ADAM32: variants seen among roughly 807,000 people sequenced by gnomAD.
ADAM32 encodes disintegrin and metalloproteinase domain-containing protein 32.
Under a neutral mutation model 114.9 loss-of-function variants are expected in ADAM32, and 89 were observed. The ratio of observed to expected loss-of-function variants is 0.77; its 90% CI spans 0.65 to 0.92. The LOEUF is 0.92. Ranked by LOEUF, ADAM32 falls within the 40% of genes least tolerant of loss-of-function variation. The pLI, the probability that ADAM32 is intolerant of heterozygous loss-of-function variation, is 0.00. For synonymous variants in ADAM32, 285 were observed against 307.5 expected, an observed-to-expected ratio of 0.93 and a Z score of 0.77; for missense variants, 870 against 932.8, an observed-to-expected ratio of 0.93 and a Z score of 0.88.
chr8:39,140,276 G>A (rs1466239347), intron 3 of ADAM32, among the ~76,000 whole-genome samples: 6 of 150,916 alleles, frequency 4.0e-5, no homozygotes, highest in East Asian at 1.9e-4. Context: ...AATGCTTCCC[G>A]TTTTGGCTGT....
intron 10 of ADAM32, among the ~76,000 whole-genome samples, chr8:39,180,083 C>T (rs1480050083): frequency 6.6e-6 from 1 of 152,216 alleles, no homozygotes; most frequent in Non-Finnish European, 1.5e-5. Context: ...AAGGCCAGAG[C>T]TGGCTCCCTC....
At chr8:39,250,633 A>T (rs866587675) in intron 17 of ADAM32, among the ~76,000 whole-genome samples, 4 of 152,032 alleles carry the variant, frequency 2.6e-5, no homozygotes, top group Non-Finnish European at 4.4e-5. Flanking sequence ...TCAAATCAGT[A>T]TAATTAAGAT....
At chr8:39,277,942 G>A (rs1813189145) in intron 22 of ADAM32, among the ~76,000 whole-genome samples, 1 of 152,240 alleles carries the variant, frequency 6.6e-6, no homozygotes, top group African/African-American at 2.4e-5. Flanking sequence ...CGAAGGGACA[G>A]TGTGACAGCC....
At chr8:39,198,215 G>T (rs1807143737) in intron 11 of ADAM32, among the ~76,000 whole-genome samples, 1 of 151,604 alleles carries the variant, frequency 6.6e-6, no homozygotes, top group Admixed American at 6.6e-5. Flanking sequence ...TTTACAATGT[G>T]AGTTTTTATA....
At position 39,144,042 on chromosome 8, in the gene ADAM32, T is replaced by C. The variant is rs552381270; in HGVS notation, c.201-3088T>C. 3.5e-4 allele frequency among the ~76,000 whole-genome samples: 54 copies of C among 152,228 alleles called. 1 individual carries two copies. The South Asian group carries it at 0.01, about 29-fold the overall frequency. ...ACCTGCTGAGGCAGACACAGGAGGG[T>C]ATCTCCTGGTCTGCTGATTGCTAAG... On this transcript the variant is annotated intron_variant, in intron 3 of 24. Coordinates refer to ENST00000379907, the MANE Select transcript of ADAM32 (RefSeq NM_145004.7).
At chr8:39,240,375 AATG>A (rs1250168548) in intron 16 of ADAM32, among the ~76,000 whole-genome samples, 1 of 152,216 alleles carries the variant, frequency 6.6e-6, no homozygotes, top group Non-Finnish European at 1.5e-5. Context: ...CTTTGAACTG[AATG>A]ATAATAGTGA....
chr8:39,132,483 C>T (rs1385960638), intron 2 of ADAM32, among the ~76,000 whole-genome samples: 1 of 152,136 alleles, frequency 6.6e-6, no homozygotes, highest in African/African-American at 2.4e-5. Flanking sequence ...ATTATTACAT[C>T]CATATTTTTT....
chr8:39,168,358 A>T (rs890683852), intron 9 of ADAM32: 1 of 152,188 alleles, frequency 6.6e-6, no homozygotes, highest in Non-Finnish European at 1.5e-5. Context: ...TTCTTTGAAC[A>T]GTAGGCTCCA....
chr8:39,123,642 TATG>T (rs1801922517), intron 2 of ADAM32, among the ~76,000 whole-genome samples: 1 of 152,166 alleles, frequency 6.6e-6, no homozygotes, highest in Admixed American at 6.5e-5. Context: ...TATGAACATG[TATG>T]ATACTTTCAT....
chr8:39,213,778 G>C (rs4382439), intron 12 of ADAM32, among the ~76,000 whole-genome samples: 145,988 of 152,238 alleles, frequency 0.96, 70,334 homozygotes, highest in East Asian at 1. Flanking sequence ...TTCATTCTTT[G>C]AAACTAATTT....
chr8:39,199,015 A>C (rs1054335313), intron 11 of ADAM32, among the ~76,000 whole-genome samples: 1 of 152,150 alleles, frequency 6.6e-6, no homozygotes, highest in Non-Finnish European at 1.5e-5. Flanking sequence ...GTTTTCTTGC[A>C]GTACTTTGAA....
chr8:39,154,044 A>ATATATATG (rs1195797266), intron 6 of ADAM32, among the ~76,000 whole-genome samples: 2 of 149,116 alleles, frequency 1.3e-5, no homozygotes, highest in Admixed American at 1.3e-4. Flanking sequence ...ATATATATAT[A>ATATATATG]TATATGTAAT....
intron 2 of ADAM32, among the ~76,000 whole-genome samples, chr8:39,121,016 A>C (rs1329224005): frequency 6.6e-6 from 1 of 152,196 alleles, no homozygotes; most frequent in Non-Finnish European, 1.5e-5. Flanking sequence ...ATGCAAGAGA[A>C]GAGAGGTAAA....
At chr8:39,165,592 G>A (rs557004809) in intron 9 of ADAM32, 1 of 153,438 alleles carries the variant, frequency 6.5e-6, no homozygotes, top group Non-Finnish European at 1.4e-5. Context: ...TGGTAAATGT[G>A]GCTACAAAGA....
intron 14 of ADAM32, among the ~76,000 whole-genome samples, chr8:39,224,441 T>C (rs1369275358): frequency 6.6e-6 from 1 of 152,222 alleles, no homozygotes; most frequent in Non-Finnish European, 1.5e-5. Flanking sequence ...ATTTGTTATC[T>C]TTTATCTTTT....
intron 3 of ADAM32, among the ~76,000 whole-genome samples, chr8:39,141,095 G>A (rs548992784): frequency 6.6e-6 from 1 of 151,706 alleles, no homozygotes; most frequent in Non-Finnish European, 1.5e-5. Context: ...TTCTTTATTA[G>A]TCTTGCTAGT....
intron 1 of ADAM32, among the ~76,000 whole-genome samples, chr8:39,108,624 A>T (rs1278701067): frequency 6.6e-6 from 1 of 152,218 alleles, no homozygotes; most frequent in African/African-American, 2.4e-5. Context: ...ACTCTGGCTG[A>T]CAAGATTCAG....
chr8:39,158,301 T>C, intron 6 of ADAM32: 1 of 172,642 alleles, frequency 5.8e-6, no homozygotes, highest in Non-Finnish European at 1.2e-5. Context: ...TGCAGTTTCT[T>C]GCAGTACTTG....
intron 10 of ADAM32, among the ~76,000 whole-genome samples, chr8:39,171,971 G>A (rs138166859): frequency 7.8e-4 from 118 of 150,862 alleles, no homozygotes; most frequent in African/African-American, 2.7e-3. Context: ...AATTCTGTAG[G>A]GCTTTTGCAC....
Sources: allele counts gnomAD v4.1 joint callset (sites outside exome capture counted in the v4.1 genomes callset), GRCh38; gene constraint gnomAD v4.1.1; transcripts MANE v1.5; gene names NCBI Gene and HGNC (gene_info 2026-07-23, HGNC 2026-07-21).